Variants in PCDH11X observed in about 807,000 individuals in gnomAD.
The protein encoded by PCDH11X is protocadherin 11 X-linked.
A neutral mutation model predicts 53.3 loss-of-function variants in PCDH11X; 18 were observed. The observed-to-expected ratio is 0.34, with a 90% CI of 0.23 to 0.50. The LOEUF (loss-of-function observed/expected upper bound fraction) is 0.50. PCDH11X is among the 20% of genes least tolerant of loss of function. The probability of loss-of-function intolerance (pLI) is 0.98; values close to 1 mark genes in which losing one functional copy is unlikely to be tolerated. For missense variants in PCDH11X, 570 were observed against 1,032.4 expected, an observed-to-expected ratio of 0.55 and a Z score of 6.14; for synonymous variants, 279 against 393.3, an observed-to-expected ratio of 0.71 and a Z score of 3.44.
intron 4 of PCDH11X, among the ~76,000 whole-genome samples, chrX:91,833,064 A>T (rs1359867245): frequency 1.0e-5 from 1 of 99,979 alleles, no homozygotes; most frequent in African/African-American, 3.7e-5. Context: ...ATGAGTTCTC[A>T]TCATTTAGCT....
At chrX:91,995,944 G>A (rs1224871653) in intron 6 of PCDH11X, among the ~76,000 whole-genome samples, 1 of 105,224 alleles carries the variant, frequency 9.5e-6, no homozygotes, top group Non-Finnish European at 1.9e-5. Context: ...CCACCTCCCA[G>A]GTCCATGCCA....
intron 6 of PCDH11X, among the ~76,000 whole-genome samples, chrX:92,010,957 A>G (rs2062680471): frequency 9.0e-6 from 1 of 111,082 alleles, no homozygotes; most frequent in Admixed American, 9.7e-5. Context: ...GCTCCTACTT[A>G]TAAGTGAGAA....
chrX:92,338,698 C>T (rs1195220170), intron 8 of PCDH11X, among the ~76,000 whole-genome samples: 4 of 111,149 alleles, frequency 3.6e-5, no homozygotes, highest in Admixed American at 2.9e-4. Flanking sequence ...TGTAAATAAC[C>T]AATAGGCAAT....
intron 6 of PCDH11X, among the ~76,000 whole-genome samples, chrX:92,148,121 T>TTTC (rs2065350221): frequency 7.2e-5 from 1 of 13,795 alleles, no homozygotes; most frequent in African/African-American, 3.0e-4. Flanking sequence ...TTTCTTTCTT[T>TTTC]CTTTCTTTCT....
At chrX:91,906,975 A>C (rs1420632011) in intron 6 of PCDH11X, among the ~76,000 whole-genome samples, 1 of 111,088 alleles carries the variant, frequency 9.0e-6, no homozygotes, top group African/African-American at 3.3e-5. Context: ...CACTTGAGGA[A>C]AACAAAAAAT....
At chrX:91,861,147 A>G (rs1306243900) in intron 5 of PCDH11X, among the ~76,000 whole-genome samples, 1 of 110,886 alleles carries the variant, frequency 9.0e-6, no homozygotes, top group Admixed American at 9.6e-5. Context: ...TACTCCTTCA[A>G]TTTCATAACT....
chrX:92,552,994 C>CGTGTGTGTGTGTGTGTGTGT, intron 10 of PCDH11X, among the ~76,000 whole-genome samples: 2 of 88,909 alleles, frequency 2.2e-5, no homozygotes, highest in South Asian at 1.2e-3. Flanking sequence ...CTGCAATTTT[C>CGTGTGTGTGTGTGTGTGTGT]GTGTGTGTGT....
At chrX:92,560,710 G>A (rs917954969) in intron 10 of PCDH11X, among the ~76,000 whole-genome samples, 16 of 107,656 alleles carry the variant, frequency 1.5e-4, no homozygotes, top group African/African-American at 5.6e-4. Flanking sequence ...CTTTGTAAAG[G>A]GGATGGAAGA....
chrX:91,936,233 G>A (rs925561878), intron 6 of PCDH11X, among the ~76,000 whole-genome samples: 9 of 108,895 alleles, frequency 8.3e-5, no homozygotes, highest in African/African-American at 3.0e-4. Context: ...TCCAGAGGGG[G>A]TGCGATGTTT....
intron 4 of PCDH11X, among the ~76,000 whole-genome samples, chrX:91,834,130 T>C (rs1490153446): frequency 9.0e-6 from 1 of 111,392 alleles, no homozygotes; most frequent in East Asian, 2.8e-4. Flanking sequence ...TAATTTTGTT[T>C]ATATAATATA....
intron 10 of PCDH11X, among the ~76,000 whole-genome samples, chrX:92,480,423 A>T (rs1289270255): frequency 9.0e-6 from 1 of 110,783 alleles, no homozygotes; most frequent in Non-Finnish European, 1.9e-5. Flanking sequence ...GAAAGAAGAC[A>T]CTGTGGCTTT....
chrX:91,975,763 A>T (rs1488690678), intron 6 of PCDH11X, among the ~76,000 whole-genome samples: 1 of 111,037 alleles, frequency 9.0e-6, no homozygotes, highest in African/African-American at 3.3e-5. Context: ...ATCAAGTAAG[A>T]TGAGGAAATT....
chrX:92,120,702 G>C (rs1189352855), intron 6 of PCDH11X, among the ~76,000 whole-genome samples: 1 of 111,926 alleles, frequency 8.9e-6, no homozygotes, highest in African/African-American at 3.3e-5. Context: ...ATGTCTTGGT[G>C]CAGAAAACAA....
chrX:92,065,893 T>A (rs1471779135), intron 6 of PCDH11X, among the ~76,000 whole-genome samples: 1 of 111,254 alleles, frequency 9.0e-6, no homozygotes, highest in Non-Finnish European at 1.9e-5. Flanking sequence ...TTTGCTTTGG[T>A]TGCCTGTGCT....
In PCDH11X at chrX:92,322,844, T is replaced by G. The variant is rs452791; in HGVS notation, c.3144+59701T>G. Among the ~76,000 whole-genome samples the G allele has an allele frequency of 2.9e-3, 325 of 110,932 alleles. 2 individuals carry two copies. The highest frequency in any genetic ancestry group is 4.1e-3 in the Non-Finnish European group (217 of 52,874). On this transcript the variant is annotated intron_variant, in intron 8 of 10. Transcript: ENST00000682573. The stretch of plus-strand genomic sequence containing the variant: ...CTGAAATGATGAAGGGGATACTTAA[T>G]ACTGTTTGATTTTAATAAATGCTTT...
At chrX:92,375,251 C>T (rs1295763428) in intron 8 of PCDH11X, among the ~76,000 whole-genome samples, 6 of 84,712 alleles carry the variant, frequency 7.1e-5, no homozygotes, top group Admixed American at 4.5e-4. Context: ...TCTCAGCTCA[C>T]TGCAAGCTCT....
At chrX:92,384,632 G>A (rs756889472) in intron 8 of PCDH11X, among the ~76,000 whole-genome samples, 31 of 94,869 alleles carry the variant, frequency 3.3e-4, no homozygotes, top group East Asian at 1.6e-3. Flanking sequence ...TGGTGAAATC[G>A]TAGAGATTCA....
At chrX:92,582,198 T>A (rs1923786235) in intron 10 of PCDH11X, among the ~76,000 whole-genome samples, 1 of 86,868 alleles carries the variant, frequency 1.2e-5, no homozygotes, top group Admixed American at 1.2e-4. Flanking sequence ...AGGAGCCAAA[T>A]GTTAATCCCC....
At chrX:92,532,756 T>G (rs1345486520) in intron 10 of PCDH11X, among the ~76,000 whole-genome samples, 25 of 108,845 alleles carry the variant, frequency 2.3e-4, no homozygotes, top group Non-Finnish European at 4.0e-4. Context: ...GATAAAGACA[T>G]ACATAAGACA....
Sources: gnomAD v4.1 joint callset for allele counts (sites outside exome capture counted in the v4.1 genomes callset) on GRCh38, gnomAD v4.1.1 for gene constraint, MANE v1.5 for transcripts, NCBI Gene and HGNC (gene_info 2026-07-23, HGNC 2026-07-21) for gene names.